LARGE1: variants seen among roughly 807,000 people sequenced by gnomAD.
The protein encoded by LARGE1 is xylosyl- and glucuronyltransferase LARGE1.
A neutral mutation model predicts 87.6 loss-of-function variants in LARGE1; 43 were observed. The observed-to-expected ratio is 0.49, with a 90% CI of 0.38 to 0.63. The LOEUF (loss-of-function observed/expected upper bound fraction) is 0.63. Ranked by LOEUF, LARGE1 falls within the 30% of genes least tolerant of loss-of-function variation. LARGE1 has a pLI of 0.00. For missense variants in LARGE1, 802 were observed against 1,000.2 expected, an observed-to-expected ratio of 0.80 and a Z score of 2.67; for synonymous variants, 434 against 394.6, an observed-to-expected ratio of 1.10 and a Z score of -1.18.
intron 4 of LARGE1, among the ~76,000 whole-genome samples, chr22:33,606,423 A>AAAATG (rs1258129676): frequency 4.2e-5 from 4 of 96,364 alleles, no homozygotes; most frequent in South Asian, 4.5e-4. Context: ...TAAATAAAAT[A>AAAATG]AAATGAAATA....
At chr22:33,085,419 T>C in the LARGE1 span, among the ~76,000 whole-genome samples, 1 of 152,246 alleles carries the variant, frequency 6.6e-6, no homozygotes, top group Admixed American at 6.5e-5. Flanking sequence ...TGGCTCATCA[T>C]TTTAGAACAA....
At chr22:33,672,138 G>C (rs1195746443) in intron 2 of LARGE1, among the ~76,000 whole-genome samples, 1 of 152,058 alleles carries the variant, frequency 6.6e-6, no homozygotes, top group African/African-American at 2.4e-5. Context: ...GAAAGAAGAA[G>C]ACCTACGAAG....
chr22:33,883,217 G>A (rs1443250775), intron 1 of LARGE1, among the ~76,000 whole-genome samples: 3 of 152,270 alleles, frequency 2.0e-5, no homozygotes, highest in African/African-American at 7.2e-5. Context: ...GGGGAGCGCT[G>A]CTTTGCAAGC....
At chr22:33,178,552 A>G (rs957188419) in intron 11 of LARGE1, among the ~76,000 whole-genome samples, 9 of 152,346 alleles carry the variant, frequency 5.9e-5, no homozygotes, top group African/African-American at 2.2e-4. Flanking sequence ...AAGTGAACCC[A>G]CAACATGAAA....
intron 12 of LARGE1, among the ~76,000 whole-genome samples, chr22:33,300,115 C>T (rs978925922): frequency 6.6e-6 from 1 of 152,180 alleles, no homozygotes; most frequent in Non-Finnish European, 1.5e-5. Flanking sequence ...GCCAGTCGGC[C>T]TGCTCTGGTA....
intron 2 of LARGE1, among the ~76,000 whole-genome samples, chr22:33,759,364 T>C (rs1238510782): frequency 6.6e-6 from 1 of 152,184 alleles, no homozygotes; most frequent in Non-Finnish European, 1.5e-5. Context: ...ATCTATAGCA[T>C]GGTATTACAG....
chr22:33,671,846 C>T (rs2081423934), intron 2 of LARGE1, among the ~76,000 whole-genome samples: 1 of 152,154 alleles, frequency 6.6e-6, no homozygotes, highest in Non-Finnish European at 1.5e-5. Flanking sequence ...AAATTGCAAC[C>T]TCCAGCATAA....
intron 1 of LARGE1, among the ~76,000 whole-genome samples, chr22:33,876,703 T>C (rs865976383): frequency 4.6e-5 from 7 of 151,908 alleles, no homozygotes; most frequent in African/African-American, 1.7e-4. Flanking sequence ...ACCTAATGCA[T>C]GCAGGGCTTA....
At chr22:33,471,384 C>T (rs151001965) in intron 6 of LARGE1, among the ~76,000 whole-genome samples, 294 of 151,998 alleles carry the variant, frequency 1.9e-3, no homozygotes, top group African/African-American at 6.6e-3. Flanking sequence ...TCTGGAAAGC[C>T]CCGAACAACC....
At chr22:33,516,755 A>G (rs1219851337) in intron 6 of LARGE1, among the ~76,000 whole-genome samples, 1 of 151,874 alleles carries the variant, frequency 6.6e-6, no homozygotes, top group Non-Finnish European at 1.5e-5. Flanking sequence ...ACGCCTGGCT[A>G]ATTTATTTTT....
chr22:33,724,971 C>G (rs931510776), intron 2 of LARGE1: 2 of 152,346 alleles, frequency 1.3e-5, no homozygotes, highest in African/African-American at 4.8e-5. Flanking sequence ...CATAAAGGGC[C>G]CTCTCTCACA....
At chr22:33,489,944 T>G (rs1490139986) in intron 6 of LARGE1, among the ~76,000 whole-genome samples, 1 of 152,180 alleles carries the variant, frequency 6.6e-6, no homozygotes, top group East Asian at 1.9e-4. Context: ...AGAGGGTGCC[T>G]GTCCCAGGGA....
At chr22:33,198,135 C>G in intron 11 of LARGE1, among the ~76,000 whole-genome samples, 1 of 152,058 alleles carries the variant, frequency 6.6e-6, no homozygotes, top group African/African-American at 2.4e-5. Context: ...ACCTCCAGAG[C>G]GGTGTGGTGG....
intron 1 of LARGE1, among the ~76,000 whole-genome samples, chr22:33,844,765 G>T (rs5999120): frequency 6.6e-6 from 1 of 151,132 alleles, no homozygotes; most frequent in Non-Finnish European, 1.5e-5. Flanking sequence ...TTGTTGCCCA[G>T]GCTGGAATGC....
At chr22:33,625,592 G>A (rs946151688) in intron 4 of LARGE1, among the ~76,000 whole-genome samples, 3 of 152,174 alleles carry the variant, frequency 2.0e-5, no homozygotes, top group Admixed American at 1.3e-4. Context: ...AAACACCACC[G>A]ACTAGGTGGA....
intron 11 of LARGE1, among the ~76,000 whole-genome samples, chr22:33,245,076 G>T (rs1249826620): frequency 6.6e-6 from 1 of 152,104 alleles, no homozygotes; most frequent in Admixed American, 6.5e-5. Context: ...GAGAACTGAG[G>T]GTCCTGGGAA....
At chr22:33,317,918 A>G (rs1936332620) in intron 10 of LARGE1, among the ~76,000 whole-genome samples, 1 of 152,122 alleles carries the variant, frequency 6.6e-6, no homozygotes, top group Non-Finnish European at 1.5e-5. Context: ...ACTTTCGTGA[A>G]AATTCAACAA....
At chr22:33,302,634 G>C (rs1934318031) in intron 12 of LARGE1, among the ~76,000 whole-genome samples, 1 of 152,216 alleles carries the variant, frequency 6.6e-6, no homozygotes, top group Non-Finnish European at 1.5e-5. Flanking sequence ...GAGGCAGTAA[G>C]AGAAAGATAC....
rs1308983778 is a variant in LARGE1, at chr22:33,864,889, A to T, written c.-83+55106T>A. On this transcript the variant is annotated intron_variant, in intron 1 of 14. Transcript: ENST00000397394. ...TACTCCTGATGTGGCCTTATCCTGC[A>T]GGCCTCTATCTCTCGCTCACTCTCT... Among the ~76,000 whole-genome samples, 2 of 152,178 alleles carry T rather than the reference A, an allele frequency of 1.3e-5. 1 individual carries two copies. The highest frequency in any genetic ancestry group is 1.3e-4 in the Admixed American group (2 of 15,278).
Sources: allele counts gnomAD v4.1 joint callset (sites outside exome capture counted in the v4.1 genomes callset), GRCh38; gene constraint gnomAD v4.1.1; transcripts MANE v1.5; gene names NCBI Gene and HGNC (gene_info 2026-07-23, HGNC 2026-07-21).